ACP3: variants seen among roughly 807,000 people sequenced by gnomAD.
ACP3 encodes prostatic acid phosphatase.
In ACP3, 38 loss-of-function variants were observed where a neutral mutation model predicts 45.6. The observed-to-expected ratio is 0.83, with a 90% CI of 0.64 to 1.09. The LOEUF is 1.09. Ranked by LOEUF, ACP3 falls within the 50% of genes least tolerant of loss-of-function variation. The probability of loss-of-function intolerance (pLI) is 0.00; values close to 1 mark genes in which losing one functional copy is unlikely to be tolerated. For missense variants in ACP3, 466 were observed against 463.2 expected (o/e 1.01, Z -0.05); for synonymous variants, 162 against 164.7 (o/e 0.98, Z 0.13).
Position 132,352,822 on chromosome 3 carries a change from G to T in ACP3, c.967G>T (p.Gly323Trp), listed in dbSNP as rs1367712289. Residue 323 changes from glycine (G) to tryptophan (W), a missense_variant and splice_region_variant, in exon 9 of 10, where the codon GGG becomes TGG. By Grantham distance (184) the Gly-to-Trp change is radical. Transcript: ENST00000336375. ...CHLTELYFEK[G>W]EYFVEMYYRN... is the part of the protein sequence containing the mutation. ...CTTGACGGAATTGTACTTTGAGAAG[G>T]GGTAAGTGACTAAGTGCTTTTCAAA... 1 of 1,598,700 alleles carries T rather than the reference G, an allele frequency of 6.3e-7. No individual in the cohort carries two copies.
intron 4 of ACP3, among the ~76,000 whole-genome samples, chr3:132,336,015 C>T (rs1312700336): frequency 6.6e-6 from 1 of 152,194 alleles, no homozygotes; most frequent in Non-Finnish European, 1.5e-5. Context: ...AATCCCAGCA[C>T]TTTGGGAGGC....
chr3:132,356,684 A>G lies in ACP3; in HGVS notation c.969-2A>G, dbSNP rs558169795. ...GCTCTCTCCTCTGCCTTTGTCTGCC[A>G]GGGAGTACTTTGTGGAGATGTACTA... On this transcript the variant is annotated splice_acceptor_variant, in intron 9 of 9. Transcript: ENST00000336375. LOFTEE classifies it high-confidence loss of function. 22 of 1,613,914 alleles carry G rather than the reference A, an allele frequency of 1.4e-5. No homozygotes were observed. In the South Asian group the frequency reaches 2.4e-4, roughly 18 times the overall value.
chr3:132,328,113 G>A (rs1432851902), intron 1 of ACP3, among the ~76,000 whole-genome samples, 154 bp from the exon 2 acceptor site: 3 of 152,064 alleles, frequency 2.0e-5, no homozygotes, highest in Non-Finnish European at 4.4e-5. Flanking sequence ...AAGGTTGAAA[G>A]CCAGTCCTCA....
At chr3:132,363,404 C>T (rs180686682), downstream of ACP3, among the ~76,000 whole-genome samples, 624 of 152,260 alleles carry the variant, frequency 4.1e-3, 3 homozygotes, top group Non-Finnish European at 4.7e-3. Context: ...TCTTCTCAAT[C>T]ACCCAAACAA....
chr3:132,363,455 A>G (rs2107824198), downstream of ACP3, among the ~76,000 whole-genome samples: 1 of 152,270 alleles, frequency 6.6e-6, no homozygotes, highest in Non-Finnish European at 1.5e-5. Flanking sequence ...CTCCCTTACC[A>G]GTATATGTAG....
At chr3:132,349,652 T>C (rs1292810649) in intron 7 of ACP3, among the ~76,000 whole-genome samples, 2 of 152,160 alleles carry the variant, frequency 1.3e-5, no homozygotes, top group Non-Finnish European at 2.9e-5. Flanking sequence ...CAGCTTTCCT[T>C]ACCTGGCTGT....
At chr3:132,348,819 C>T (rs1001228962) in intron 7 of ACP3, among the ~76,000 whole-genome samples, 2 of 152,156 alleles carry the variant, frequency 1.3e-5, no homozygotes, top group Non-Finnish European at 2.9e-5. Flanking sequence ...TTTATACTTA[C>T]TGGTGTACAG....
At chr3:132,327,505 C>A (rs1306460309) in intron 1 of ACP3, among the ~76,000 whole-genome samples, 4 of 145,700 alleles carry the variant, frequency 2.7e-5, no homozygotes, top group Admixed American at 1.4e-4. Flanking sequence ...CAGAGCAAGA[C>A]TCAGTCTCGA....
intron 5 of ACP3, among the ~76,000 whole-genome samples, chr3:132,338,989 A>G (rs1214920311): frequency 6.6e-6 from 1 of 152,144 alleles, no homozygotes; most frequent in Non-Finnish European, 1.5e-5. Context: ...TATAAAGCCT[A>G]GTACTCATTG....
chr3:132,346,752 C>A (rs1469177180), intron 7 of ACP3, among the ~76,000 whole-genome samples: 1 of 152,184 alleles, frequency 6.6e-6, no homozygotes, highest in Non-Finnish European at 1.5e-5. Context: ...AAGCGGGACT[C>A]TTGATTTATT....
chr3:132,341,576 T>G (rs887487416), intron 5 of ACP3, among the ~76,000 whole-genome samples: 8 of 152,236 alleles, frequency 5.3e-5, no homozygotes, highest in Non-Finnish European at 1.2e-4. Flanking sequence ...AGTTTTATTT[T>G]GGGGGCAATC....
At chr3:132,322,018 T>C (rs2857044) in intron 1 of ACP3, among the ~76,000 whole-genome samples, 22 of 152,348 alleles carry the variant, frequency 1.4e-4, no homozygotes, top group African/African-American at 4.8e-4. Context: ...AATGCTTTTG[T>C]GTTTTACACG....
intron 7 of ACP3, among the ~76,000 whole-genome samples, chr3:132,347,689 G>T (rs1937626451): frequency 6.6e-6 from 1 of 151,952 alleles, no homozygotes. Flanking sequence ...TCCTTATGTT[G>T]CCCAGGCTAG....
At chr3:132,349,744 A>G (rs568153370) in intron 7 of ACP3, among the ~76,000 whole-genome samples, 176 bp from the exon 8 acceptor site, 6 of 152,322 alleles carry the variant, frequency 3.9e-5, no homozygotes, top group African/African-American at 1.4e-4. Context: ...TAAAAAAAAA[A>G]AAGTATGTAA....
At chr3:132,333,688 G>C (rs984248867) in intron 4 of ACP3, among the ~76,000 whole-genome samples, 2 of 152,150 alleles carry the variant, frequency 1.3e-5, no homozygotes, top group African/African-American at 4.8e-5. Context: ...AGAATCATGA[G>C]GGAAGTATTG....
At chr3:132,331,394 C>T (rs1480175002) in intron 2 of ACP3, among the ~76,000 whole-genome samples, 1 of 152,208 alleles carries the variant, frequency 6.6e-6, no homozygotes, top group South Asian at 2.1e-4. Context: ...ATCAACTAAG[C>T]ACTTACTATG....
intron 5 of ACP3, among the ~76,000 whole-genome samples, chr3:132,340,539 C>G (rs1029159908): frequency 1.3e-5 from 2 of 152,064 alleles, no homozygotes; most frequent in Admixed American, 1.3e-4. Flanking sequence ...TAATTCCACT[C>G]TAGCTTCATT....
intron 6 of ACP3, among the ~76,000 whole-genome samples, chr3:132,343,454 T>C (rs1211020428): frequency 1.3e-5 from 2 of 152,244 alleles, no homozygotes; most frequent in Non-Finnish European, 2.9e-5. Flanking sequence ...TCAGCAACTA[T>C]TTCAGTGAAA....
In ACP3 at chr3:132,350,002, G is replaced by A. The variant is rs770543387; in HGVS notation, c.864G>A (p.Ala288=). ...ACAAAAAACTCATCATGTATTCTGCGGTAAGTATTTTCATCTTCATTTAAC... is the reference window on the plus strand; with the variant it reads ...ACAAAAAACTCATCATGTATTCTGCAGTAAGTATTTTCATCTTCATTTAAC... ...PSYKKLIMYS[A]HDTTVSGLQM... The change falls in exon 8 of 10, where the codon GCG becomes GCA. Residue 288 remains alanine, a splice_region_variant and synonymous_variant. Coordinates refer to ENST00000336375, the MANE Select transcript of ACP3 (RefSeq NM_001099.5). 1.3e-5 allele frequency: 20 copies of A among 1,585,622 alleles called. No homozygotes were observed. Among genetic ancestry groups the A allele is most frequent in the African/African-American group, 2.7e-5 (2 of 74,492 alleles).
Sources: gnomAD v4.1 joint callset for allele counts (sites outside exome capture counted in the v4.1 genomes callset) on GRCh38, gnomAD v4.1.1 for gene constraint, MANE v1.5 for transcripts, NCBI Gene and HGNC (gene_info 2026-07-23, HGNC 2026-07-21) for gene names.